AOPEP: variants seen among roughly 807,000 people sequenced by gnomAD.
AOPEP encodes the protein aminopeptidase O.
A neutral mutation model predicts 98.1 loss-of-function variants in AOPEP; 77 were observed. That is an observed-to-expected ratio of 0.78 (90% CI 0.65 to 0.95). The LOEUF (loss-of-function observed/expected upper bound fraction) is 0.95. Among genes scored for constraint, AOPEP ranks in the 40% least tolerant of loss-of-function variants. AOPEP has a pLI of 0.00. For missense variants in AOPEP, 1,024 were observed against 1,024.7 expected (o/e 1.00, Z 0.01); for synonymous variants, 346 against 365.3 (o/e 0.95, Z 0.60).
the AOPEP span, among the ~76,000 whole-genome samples, chr9:95,145,831 C>A: frequency 6.6e-6 from 1 of 152,118 alleles, no homozygotes; most frequent in Non-Finnish European, 1.5e-5. Context: ...GGCGGACATG[C>A]TTTACCACCG....
intron 1 of AOPEP, among the ~76,000 whole-genome samples, chr9:94,751,366 A>C (rs2132226269): frequency 6.6e-6 from 1 of 152,314 alleles, no homozygotes; most frequent in Admixed American, 6.5e-5. Context: ...GAATTATATT[A>C]ATTAAATAAT....
At chr9:95,095,647 C>T in the AOPEP span, among the ~76,000 whole-genome samples, 1 of 152,174 alleles carries the variant, frequency 6.6e-6, no homozygotes, top group Non-Finnish European at 1.5e-5. Flanking sequence ...GAAAGGGTTC[C>T]CTGTGGCAGA....
chr9:95,005,662 G>T (rs1217310555), intron 13 of AOPEP, 46 bp downstream of exon 13: 1 of 1,510,304 alleles, frequency 6.6e-7, no homozygotes, highest in East Asian at 2.3e-5. Context: ...TGGTAAATCC[G>T]CTTCTGCCCC....
rs1326058512 is a variant in AOPEP, at chr9:95,012,995, G to T, written c.2115+7379G>T. 3.6e-4 allele frequency among the ~76,000 whole-genome samples: 49 copies of T among 135,414 alleles called. 2 individuals are homozygous for T. The South Asian group carries it at 5.8e-3, about 16-fold the overall frequency. The allele number at this position is 135,414 out of a possible 152,430, so 88.8% of individuals were successfully genotyped here. On this transcript the variant is annotated intron_variant, in intron 13 of 16. Transcript: ENST00000375315. ...TTTTCCTGTTTTTTTTTTGGGGGGG[G>T]GGGCAGGGCGATTATCTCTTATCTT... is the stretch of plus-strand genomic sequence containing the variant.
intron 7 of AOPEP, among the ~76,000 whole-genome samples, chr9:94,951,734 T>G (rs76138261): frequency 6.6e-6 from 1 of 152,216 alleles, no homozygotes; most frequent in Non-Finnish European, 1.5e-5. Flanking sequence ...AGGAGCAGCA[T>G]GATGATAGTA....
intron 7 of AOPEP, among the ~76,000 whole-genome samples, chr9:94,946,725 G>T (rs1396044277): frequency 6.6e-6 from 1 of 152,116 alleles, no homozygotes; most frequent in Non-Finnish European, 1.5e-5. Context: ...GGTGAATTTA[G>T]CATATATACC....
rs2051623991 is a variant in AOPEP, at chr9:94,909,218, G to C, written c.1365-14768G>C. Among the ~76,000 whole-genome samples the C allele has an allele frequency of 3.3e-5, 5 of 152,152 alleles. No homozygotes were observed. In the South Asian group the frequency reaches 1.0e-3, roughly 32 times the overall value. On this transcript the variant is annotated intron_variant, in intron 5 of 16. Transcript: ENST00000375315. ...TTAATATTTAATTTCATATACTGTA[G>C]TGTTTGCAGAAGCAAACATGCTGTA...
chr9:95,005,723 G>A (rs763011486), intron 13 of AOPEP, 107 bp downstream of exon 13: 2 of 865,286 alleles, frequency 2.3e-6, no homozygotes, highest in Non-Finnish European at 3.8e-6. Flanking sequence ...AAAAGTTTTT[G>A]TTATAATAAA....
chr9:95,002,400 G>A (rs1248692876), intron 11 of AOPEP, among the ~76,000 whole-genome samples: 1 of 152,188 alleles, frequency 6.6e-6, no homozygotes, highest in Non-Finnish European at 1.5e-5. Context: ...CAGCTGGGGA[G>A]AGAGACGTTC....
intron 5 of AOPEP, among the ~76,000 whole-genome samples, chr9:94,822,328 T>C (rs761731529): frequency 4.6e-5 from 7 of 152,232 alleles, no homozygotes; most frequent in Non-Finnish European, 7.3e-5. Context: ...GAAATAGACT[T>C]GTGCTTGTCT....
At chr9:94,945,096 A>G (rs1409678947) in intron 7 of AOPEP, among the ~76,000 whole-genome samples, 3 of 152,112 alleles carry the variant, frequency 2.0e-5, no homozygotes, top group Non-Finnish European at 4.4e-5. Context: ...CCAGCGTTGG[A>G]TGGATGGAAG....
the AOPEP span, chr9:95,125,306 T>G: frequency 1.3e-6 from 1 of 761,234 alleles, no homozygotes; most frequent in Admixed American, 2.0e-5. Flanking sequence ...CAGCAGTATC[T>G]CAACTCATCA....
intron 11 of AOPEP, among the ~76,000 whole-genome samples, chr9:94,979,786 G>A (rs1372250583): frequency 6.6e-6 from 1 of 152,210 alleles, no homozygotes; most frequent in African/African-American, 2.4e-5. Context: ...AGCAGGTTGA[G>A]GGGGAGCAGT....
chr9:94,969,048 A>G (rs2059377020), intron 10 of AOPEP, among the ~76,000 whole-genome samples: 1 of 152,300 alleles, frequency 6.6e-6, no homozygotes, highest in African/African-American at 2.4e-5. Context: ...TCACAGCTGT[A>G]TGCAGCAGGC....
At chr9:95,126,407 G>A in the AOPEP span, 1 of 965,820 alleles carries the variant, frequency 1.0e-6, no homozygotes, top group South Asian at 1.4e-5. Flanking sequence ...AGGAACAGGA[G>A]GGAATCAGAA....
At chr9:95,118,613 CAA>C in the AOPEP span, among the ~76,000 whole-genome samples, 9 of 152,156 alleles carry the variant, frequency 5.9e-5, no homozygotes, top group East Asian at 3.8e-4. Flanking sequence ...TTGATTTTGA[CAA>C]GAGAGATTAG....
At chr9:94,982,347 T>C (rs2060235791) in intron 11 of AOPEP, among the ~76,000 whole-genome samples, 1 of 151,970 alleles carries the variant, frequency 6.6e-6, no homozygotes, top group African/African-American at 2.4e-5. Flanking sequence ...AAATAGAAAA[T>C]GTGAAACTCC....
At chr9:94,878,920 T>C (rs2047273176) in intron 5 of AOPEP, among the ~76,000 whole-genome samples, 1 of 151,804 alleles carries the variant, frequency 6.6e-6, no homozygotes, top group South Asian at 2.1e-4. Context: ...GAGACCGGAG[T>C]TTTATTATTA....
intron 7 of AOPEP, among the ~76,000 whole-genome samples, chr9:94,943,937 A>C (rs867859241): frequency 3.3e-5 from 5 of 149,964 alleles, no homozygotes; most frequent in South Asian, 4.2e-4. Flanking sequence ...AAAAAAAAAA[A>C]AAAAAAAAAA....
Sources: gnomAD v4.1 joint callset for allele counts (sites outside exome capture counted in the v4.1 genomes callset) on GRCh38, gnomAD v4.1.1 for gene constraint, MANE v1.5 for transcripts, NCBI Gene and HGNC (gene_info 2026-07-23, HGNC 2026-07-21) for gene names.